Variants in MAD1L1 observed in about 807,000 individuals in gnomAD.
The protein encoded by MAD1L1 is mitotic spindle assembly checkpoint protein MAD1.
In MAD1L1, 95 loss-of-function variants were observed where a neutral mutation model predicts 96.9. The ratio of observed to expected loss-of-function variants is 0.98; its 90% CI spans 0.83 to 1.16. The LOEUF (loss-of-function observed/expected upper bound fraction) is 1.16, where lower values mean the gene tolerates loss of function less well. MAD1L1 is among the 50% of genes most tolerant of loss of function. The probability of loss-of-function intolerance (pLI) is 0.00; values close to 1 mark genes in which losing one functional copy is unlikely to be tolerated. For synonymous variants in MAD1L1, 473 were observed against 396.6 expected (o/e 1.19, Z -2.29); for missense variants, 1,007 against 954.4 (o/e 1.06, Z -0.73).
intron 18 of MAD1L1, among the ~76,000 whole-genome samples, chr7:1,826,211 G>A (rs1782384791): frequency 6.6e-6 from 1 of 152,142 alleles, no homozygotes; most frequent in African/African-American, 2.4e-5. Flanking sequence ...CCTGCCTGCT[G>A]CACATCCACG....
At chr7:2,023,187 G>C (rs545543576) in intron 12 of MAD1L1, among the ~76,000 whole-genome samples, 9 of 152,018 alleles carry the variant, frequency 5.9e-5, no homozygotes, top group African/African-American at 1.9e-4. Context: ...CAATCAACTG[G>C]GTCTAAATGA....
At chr7:2,131,709 A>C (rs1339612349) in intron 11 of MAD1L1, among the ~76,000 whole-genome samples, 3 of 152,024 alleles carry the variant, frequency 2.0e-5, no homozygotes, top group African/African-American at 4.8e-5. Flanking sequence ...CCAGGCCCAC[A>C]CGCCTCCCCA....
intron 10 of MAD1L1, among the ~76,000 whole-genome samples, chr7:2,177,305 C>G (rs1002397922): frequency 6.6e-6 from 1 of 152,180 alleles, no homozygotes; most frequent in Non-Finnish European, 1.5e-5. Context: ...TGGCCTAGTG[C>G]TATGCATTCA....
chr7:1,992,810 C>G lies in MAD1L1; in HGVS notation c.1416+9255G>C, dbSNP rs12533741. 6.1e-3 allele frequency among the ~76,000 whole-genome samples: 930 copies of G among 152,230 alleles called. 28 individuals are homozygous for G. The highest frequency in any genetic ancestry group is 0.055 in the Admixed American group (838 of 15,292). The stretch of plus-strand genomic sequence containing the variant: ...GGTGGATGTGAGGATGGCATGGGCT[C>G]TACGTCAGGGAGGCAGGCGGCAGGG... On this transcript the variant is annotated intron_variant, in intron 14 of 18. Coordinates refer to ENST00000265854, the MANE Select transcript of MAD1L1 (RefSeq NM_001013836.2).
At chr7:2,213,912 T>C (rs1562378460) in intron 9 of MAD1L1, among the ~76,000 whole-genome samples, 1 of 152,262 alleles carries the variant, frequency 6.6e-6, no homozygotes, top group African/African-American at 2.4e-5. Context: ...GCAGGGACTC[T>C]GTGCCTTTGT....
intron 11 of MAD1L1, among the ~76,000 whole-genome samples, chr7:2,076,304 G>A (rs560703526): frequency 2.6e-5 from 4 of 152,188 alleles, no homozygotes; most frequent in Non-Finnish European, 5.9e-5. Context: ...GAGGGCATTC[G>A]GTCCTGAGGG....
At chr7:1,950,646 G>T (rs1209530925) in intron 16 of MAD1L1, among the ~76,000 whole-genome samples, 3 of 152,338 alleles carry the variant, frequency 2.0e-5, no homozygotes, top group African/African-American at 7.2e-5. Flanking sequence ...GCCCCCAGCT[G>T]CAGCTCTCAC....
intron 10 of MAD1L1, among the ~76,000 whole-genome samples, chr7:2,157,380 T>C (rs1265177485): frequency 6.6e-6 from 1 of 152,080 alleles, no homozygotes; most frequent in African/African-American, 2.4e-5. Context: ...CTCCCCACCA[T>C]GCAAGTCCAC....
chr7:2,158,762 G>A (rs1421466027), intron 10 of MAD1L1, among the ~76,000 whole-genome samples: 3 of 151,730 alleles, frequency 2.0e-5, no homozygotes, highest in East Asian at 3.8e-4. Flanking sequence ...CCCAGAACAC[G>A]GGAGGAGCAG....
At chr7:1,927,848 C>T (rs1414135758) in intron 17 of MAD1L1, among the ~76,000 whole-genome samples, 2 of 152,078 alleles carry the variant, frequency 1.3e-5, no homozygotes, top group Non-Finnish European at 2.9e-5. Context: ...GCATTTGCTC[C>T]GAGGAACACA....
chr7:2,205,344 C>T (rs1792544822), intron 10 of MAD1L1, among the ~76,000 whole-genome samples: 2 of 152,052 alleles, frequency 1.3e-5, no homozygotes, highest in Non-Finnish European at 1.5e-5. Flanking sequence ...TTGTCAGATT[C>T]GGAACTTCCC....
At chr7:1,947,185 T>C (rs1779268095) in intron 16 of MAD1L1, among the ~76,000 whole-genome samples, 1 of 152,138 alleles carries the variant, frequency 6.6e-6, no homozygotes, top group Non-Finnish European at 1.5e-5. Context: ...CTGGGTGCCA[T>C]GGGCCCTTGG....
At chr7:2,011,473 T>C (rs1008671520) in intron 13 of MAD1L1, among the ~76,000 whole-genome samples, 1 of 152,192 alleles carries the variant, frequency 6.6e-6, no homozygotes, top group East Asian at 1.9e-4. Flanking sequence ...CCCCAGCAGA[T>C]GCTCCCCTGA....
Position 1,988,130 on chromosome 7 carries a change from G to A in MAD1L1, c.1417-7589C>T, listed in dbSNP as rs151199272. Among the ~76,000 whole-genome samples the A allele has an allele frequency of 3.9e-5, 6 of 152,376 alleles. No individual in the cohort carries two copies. In the East Asian group the frequency reaches 7.7e-4, roughly 20 times the overall value. On this transcript the variant is annotated intron_variant, in intron 14 of 18. Coordinates refer to ENST00000265854, the MANE Select transcript of MAD1L1 (RefSeq NM_001013836.2). The stretch of plus-strand genomic sequence containing the variant: ...AGGAGTAGCAGGTAGATGGAGCAGC[G>A]TGCGGAAGCACGGGTGGGAAGGTGG...
chr7:1,819,039 C>T (rs1263948627), intron 18 of MAD1L1, among the ~76,000 whole-genome samples: 6 of 152,100 alleles, frequency 3.9e-5, no homozygotes, highest in Non-Finnish European at 8.8e-5. Context: ...TTGGGAGGCT[C>T]CACCTCGGTC....
chr7:2,076,321 G>A (rs1785372811), intron 11 of MAD1L1, among the ~76,000 whole-genome samples: 1 of 152,228 alleles, frequency 6.6e-6, no homozygotes, highest in Non-Finnish European at 1.5e-5. Flanking sequence ...AGGGCGGAGT[G>A]CTCCCAATGG....
intron 17 of MAD1L1, among the ~76,000 whole-genome samples, chr7:1,932,298 A>G (rs1170359579): frequency 6.6e-6 from 1 of 152,154 alleles, no homozygotes; most frequent in Admixed American, 6.5e-5. Context: ...CCCAGGCCTG[A>G]GGCCTCCTTC....
intron 8 of MAD1L1, 41 bp from the exon 9 acceptor site, chr7:2,216,040 C>T (rs560370809): frequency 7.7e-5 from 124 of 1,612,526 alleles, no homozygotes; most frequent in Non-Finnish European, 9.8e-5. Flanking sequence ...GCCACACACC[C>T]TAGGGATAAG....
At position 2,220,155 on chromosome 7, in the gene MAD1L1, G is replaced by A. The variant is rs546648607; in HGVS notation, c.472-699C>T. ...ACTGGCCAACCAACAGGACAAAGAC[G>A]GAGGCTGTGCAAGGGGCAGGGCGGT... On this transcript the variant is annotated intron_variant, in intron 5 of 18. Transcript: ENST00000265854. Among the ~76,000 whole-genome samples the A allele has an allele frequency of 2.3e-4, 35 of 152,340 alleles. 1 individual carries two copies. Among genetic ancestry groups the A allele is most frequent in the African/African-American group, 7.0e-4 (29 of 41,580 alleles).
Sources: allele counts gnomAD v4.1 joint callset (sites outside exome capture counted in the v4.1 genomes callset), GRCh38; gene constraint gnomAD v4.1.1; transcripts MANE v1.5; gene names NCBI Gene and HGNC (gene_info 2026-07-23, HGNC 2026-07-21).